LRRC4C: variants seen among roughly 807,000 people sequenced by gnomAD.
LRRC4C encodes the protein leucine-rich repeat-containing protein 4C.
A neutral mutation model predicts 33.6 loss-of-function variants in LRRC4C; 5 were observed. That is an observed-to-expected ratio of 0.15 (90% confidence interval 0.08 to 0.31). The LOEUF is 0.31. LRRC4C is among the 10% of genes least tolerant of loss of function. The pLI is 1.00. For synonymous variants in LRRC4C, 329 were observed against 302.0 expected, an observed-to-expected ratio of 1.09 and a Z score of -0.93; for missense variants, 560 against 796.7, an observed-to-expected ratio of 0.70 and a Z score of 3.58.
At chr11:41,088,210 T>C (rs1940146063) in intron 1 of LRRC4C, among the ~76,000 whole-genome samples, 1 of 152,114 alleles carries the variant, frequency 6.6e-6, no homozygotes, top group African/African-American at 2.4e-5. Context: ...ATTTACTTGC[T>C]CAACCAGCAA....
chr11:40,150,670 C>A (rs1444834537), intron 5 of LRRC4C, among the ~76,000 whole-genome samples: 1 of 152,098 alleles, frequency 6.6e-6, no homozygotes, highest in African/African-American at 2.4e-5. Context: ...TCTCAAACCC[C>A]TGAGGCTCAA....
Position 41,019,662 on chromosome 11 carries a change from C to A in LRRC4C, c.-495-85939G>T, listed in dbSNP as rs1335994957. ...ACAGTGTAAAAGCGTTCTTATTTAT[C>A]CATAGCCTCACCAGCATCTACTGTT... On this transcript the variant is annotated intron_variant, in intron 1 of 6. Coordinates refer to ENST00000528697, the MANE Select transcript of LRRC4C (RefSeq NM_001258419.2). 3.9e-5 allele frequency among the ~76,000 whole-genome samples: 6 copies of A among 152,156 alleles called. No homozygotes were observed. The East Asian group carries it at 1.2e-3, about 29-fold the overall frequency.
intron 1 of LRRC4C, among the ~76,000 whole-genome samples, chr11:41,345,967 C>T (rs1214135666): frequency 1.1e-5 from 1 of 92,120 alleles, no homozygotes; most frequent in Non-Finnish European, 2.6e-5. Context: ...ATAGCCTATA[C>T]ATATGTTTTT....
chr11:40,669,481 T>G (rs1279754695), intron 2 of LRRC4C, among the ~76,000 whole-genome samples: 1 of 152,202 alleles, frequency 6.6e-6, no homozygotes, highest in East Asian at 1.9e-4. Flanking sequence ...TGCCATTGCT[T>G]TCTTCTCCTC....
At chr11:40,883,501 G>A (rs1955285792) in intron 2 of LRRC4C, among the ~76,000 whole-genome samples, 1 of 151,970 alleles carries the variant, frequency 6.6e-6, no homozygotes, top group South Asian at 2.1e-4. Flanking sequence ...AATATAGGAA[G>A]AATCTTAATT....
At chr11:40,885,513 C>A (rs1955413977) in intron 2 of LRRC4C, among the ~76,000 whole-genome samples, 1 of 152,024 alleles carries the variant, frequency 6.6e-6, no homozygotes, top group African/African-American at 2.4e-5. Flanking sequence ...CATTTTCATC[C>A]TCTGCTATAT....
intron 5 of LRRC4C, among the ~76,000 whole-genome samples, chr11:40,239,119 A>G (rs1353791252): frequency 1.3e-5 from 2 of 152,190 alleles, no homozygotes; most frequent in African/African-American, 4.8e-5. Context: ...CTATGTGCAA[A>G]TAACCATGTT....
intron 3 of LRRC4C, among the ~76,000 whole-genome samples, chr11:40,572,770 A>G (rs183223496): frequency 6.6e-6 from 1 of 152,366 alleles, no homozygotes. Context: ...GGGGACTCAT[A>G]GAAGGCTTGA....
At chr11:40,320,400 G>A (rs1945786644) in intron 3 of LRRC4C, among the ~76,000 whole-genome samples, 1 of 152,128 alleles carries the variant, frequency 6.6e-6, no homozygotes. Context: ...AGCTGCTCGG[G>A]AGGCTGAGGC....
At chr11:41,294,071 A>G (rs768980084) in intron 1 of LRRC4C, among the ~76,000 whole-genome samples, 1 of 152,284 alleles carries the variant, frequency 6.6e-6, no homozygotes, top group East Asian at 1.9e-4. Flanking sequence ...GTAGTTACCC[A>G]GTCTTATAAA....
intron 2 of LRRC4C, among the ~76,000 whole-genome samples, chr11:40,715,673 GA>G (rs1273698636): frequency 6.6e-6 from 1 of 152,132 alleles, no homozygotes; most frequent in East Asian, 1.9e-4. Context: ...ATATGGCAAG[GA>G]AAAATGAATT....
At chr11:41,318,802 GA>G (rs200677718) in intron 1 of LRRC4C, among the ~76,000 whole-genome samples, 10 of 148,012 alleles carry the variant, frequency 6.8e-5, no homozygotes, top group East Asian at 2.0e-4. Context: ...AGAAATTCCA[GA>G]AAAAAAAAAC....
At chr11:40,491,459 G>A (rs936766723) in intron 3 of LRRC4C, among the ~76,000 whole-genome samples, 4 of 152,146 alleles carry the variant, frequency 2.6e-5, no homozygotes, top group African/African-American at 9.7e-5. Context: ...TTGCAGTCAA[G>A]GTGTTGGCTA....
rs554906330 is a variant in LRRC4C, at chr11:40,271,617, C to A, written c.-175-30019G>T. Among the ~76,000 whole-genome samples, 17 of 152,246 alleles carry A rather than the reference C, an allele frequency of 1.1e-4. No homozygotes were observed. In the South Asian group the frequency reaches 3.5e-3, roughly 32 times the overall value. The stretch of plus-strand genomic sequence containing the variant: ...TGTAGGCTTTGGCATTTCTCTGCCT[C>A]CTGAAGCCACTAAGGCAGTATTTCT... On this transcript the variant is annotated intron_variant, in intron 4 of 6. Transcript: ENST00000528697.
Position 40,394,637 on chromosome 11 carries a change from C to G in LRRC4C, c.-269-74916G>C, listed in dbSNP as rs893555367. Reference sequence around the variant, plus strand: ...AGTTCCACATGCCACCTCAAATGACCCAAAAGAAGCTCTGTGGTTCATGGT... The same window carrying G: ...AGTTCCACATGCCACCTCAAATGACGCAAAAGAAGCTCTGTGGTTCATGGT... On this transcript the variant is annotated intron_variant, in intron 3 of 6. Transcript: ENST00000528697. Among the ~76,000 whole-genome samples the G allele has an allele frequency of 7.8e-4, 118 of 152,054 alleles. 2 individuals are homozygous for G. The highest frequency in any genetic ancestry group is 8.4e-4 in the Non-Finnish European group (57 of 68,008).
intron 1 of LRRC4C, among the ~76,000 whole-genome samples, chr11:41,378,901 A>ATATAAGTCAGC (rs1470699038): frequency 9.9e-5 from 15 of 151,946 alleles, no homozygotes; most frequent in Admixed American, 4.6e-4. Context: ...AACAAAAACA[A>ATATAAGTCAGC]TATAAGTCAG....
At chr11:40,909,640 A>G (rs188219450) in intron 2 of LRRC4C, among the ~76,000 whole-genome samples, 1 of 152,100 alleles carries the variant, frequency 6.6e-6, no homozygotes, top group Admixed American at 6.5e-5. Context: ...TCTCTTGATC[A>G]GTTATATTAT....
intron 2 of LRRC4C, among the ~76,000 whole-genome samples, chr11:40,855,388 G>T (rs1358569348): frequency 6.6e-6 from 1 of 152,152 alleles, no homozygotes; most frequent in East Asian, 1.9e-4. Flanking sequence ...GTAACCGAAA[G>T]GGCATAGTGA....
At position 41,288,448 on chromosome 11, in the gene LRRC4C, T is replaced by C. The variant is rs557135964; in HGVS notation, c.-496+170983A>G. On this transcript the variant is annotated intron_variant, in intron 1 of 6. Transcript: ENST00000528697. ...TGTATGAGACTCTCAAGGTAGAGAA[T>C]TGGAAGTTCAGCAGAGAGTGTCACT... Among the ~76,000 whole-genome samples, 19 of 152,202 alleles carry C rather than the reference T, an allele frequency of 1.2e-4. No individual in the cohort carries two copies. In the East Asian group the frequency reaches 2.1e-3, roughly 17 times the overall value.
Sources: gnomAD v4.1 joint callset for allele counts (sites outside exome capture counted in the v4.1 genomes callset) on GRCh38, gnomAD v4.1.1 for gene constraint, MANE v1.5 for transcripts, NCBI Gene and HGNC (gene_info 2026-07-23, HGNC 2026-07-21) for gene names.